Variants in STX10 observed in about 807,000 individuals in gnomAD.
STX10 encodes syntaxin 10.
A neutral mutation model predicts 34.1 loss-of-function variants in STX10; 35 were observed. That is an observed-to-expected ratio of 1.03 (90% CI 0.78 to 1.36). The LOEUF is 1.36. STX10 is among the 40% of genes most tolerant of loss of function. STX10 has a pLI of 0.00. For missense variants in STX10, 361 were observed against 335.5 expected, an observed-to-expected ratio of 1.08 and a Z score of -0.59; for synonymous variants, 155 against 132.9, an observed-to-expected ratio of 1.17 and a Z score of -1.15.
rs750811542 is a variant in STX10 at position 13,144,342 on chromosome 19, G to A, written c.*68C>T. ...GAGGGACCCTCTCCTCCTAGGGGGC[G>A]AGGCCAGCTCCAAAGTGCTTGGTGG... is the stretch of plus-strand genomic sequence containing the variant. On this transcript the variant is annotated 3_prime_UTR_variant, in exon 8 of 8. Transcript: ENST00000587230. The A allele has an allele frequency of 3.7e-5, 58 of 1,566,660 alleles. No individual in the cohort carries two copies. The highest frequency in any genetic ancestry group is 4.8e-5 in the Non-Finnish European group (56 of 1,155,806).
chr19:13,147,893 CAAAAAAAAAAAAA>C (rs1159793123), intron 4 of STX10, among the ~76,000 whole-genome samples: 2 of 54,624 alleles, frequency 3.7e-5, no homozygotes, highest in African/African-American at 1.6e-4. Flanking sequence ...CACTCCGTCT[CAAAAAAAAAAAAA>C]AAAAAAAAAA....
chr19:13,147,429 C>T (rs2145638287), intron 4 of STX10, among the ~76,000 whole-genome samples: 1 of 151,824 alleles, frequency 6.6e-6, no homozygotes, highest in Admixed American at 6.6e-5. Flanking sequence ...TGCACCACTG[C>T]ACCCCAGCCT....
intron 3 of STX10, among the ~76,000 whole-genome samples, 156 bp from the exon 4 acceptor site, chr19:13,149,247 A>G (rs902515213): frequency 1.3e-4 from 20 of 151,840 alleles, no homozygotes; most frequent in African/African-American, 4.1e-4. Context: ...CCCCGTCTCT[A>G]CTAAAAACAC....
rs762121528 is a variant in STX10 at position 13,144,331 on chromosome 19, T to C, written c.*79A>G. 1 of 1,546,428 alleles carries C rather than the reference T, an allele frequency of 6.5e-7. No individual in the cohort carries two copies. The highest frequency in any genetic ancestry group is 8.8e-7 in the Non-Finnish European group (1 of 1,142,558). ...CAGCTACCCAGGAGGGACCCTCTCC[T>C]CCTAGGGGGCGAGGCCAGCTCCAAA... On this transcript the variant is annotated 3_prime_UTR_variant, in exon 8 of 8. Transcript: ENST00000587230.
Position 13,144,408 on chromosome 19 carries a change from G to T in STX10, c.*2C>A. ...GGACCAGCCTGCCAGGGAGGGCTGG[G>T]GTCAGAGAGAGAATAGTAAGATGAG... On this transcript the variant is annotated 3_prime_UTR_variant, in exon 8 of 8. Transcript: ENST00000587230. 1.2e-6 allele frequency: 2 copies of T among 1,608,232 alleles called. No individual in the cohort carries two copies. Among genetic ancestry groups the T allele is most frequent in the Non-Finnish European group, 1.7e-6 (2 of 1,178,048 alleles).
At position 13,150,090 on chromosome 19, in the gene STX10, T is replaced by G; in HGVS notation, c.35+49A>C. 9.0e-7 allele frequency: 1 copy of G among 1,116,034 alleles called. No homozygotes were observed. Among genetic ancestry groups the G allele is most frequent in the Non-Finnish European group, 1.3e-6 (1 of 746,290 alleles). The allele number at this position is 1,116,034 out of a possible 1,614,324, so 69.1% of individuals were successfully genotyped here. ...CTGGGGCCGGCACCCGGGCACTGGC[T>G]GGCTTGGGTACAGAGCACCCTCCGC... On this transcript the variant is annotated intron_variant, in intron 1 of 7. Transcript: ENST00000587230. This position sits in a 1 kb window ranked among gnomAD's most constrained non-coding sequence, Gnocchi z 4.0.
rs2019878451 is a variant in STX10, at chr19:13,145,494, G to A, written c.364-99C>T. 3 of 950,374 alleles carry A rather than the reference G, an allele frequency of 3.2e-6. No homozygotes were observed. The South Asian group carries it at 4.5e-5, about 14-fold the overall frequency. The allele number at this position is 950,374 out of a possible 1,614,324, so 58.9% of individuals were successfully genotyped here. On this transcript the variant is annotated intron_variant, in intron 4 of 7. Coordinates refer to ENST00000587230, the MANE Select transcript of STX10 (RefSeq NM_003765.3). ...GTGGTAAGTCAGGGGGGCAGACTCT[G>A]GGGCAGGACAGCCTGCATTCCCCAC...
chr19:13,144,239 T>TGAAGGGTCCC lies in STX10; in HGVS notation c.*161_*170dup, dbSNP rs2019841689. 4 of 898,884 alleles carry TGAAGGGTCCC rather than the reference T, an allele frequency of 4.4e-6. No individual in the cohort carries two copies. The African/African-American group carries it at 6.7e-5, about 15-fold the overall frequency. 55.7% of individuals were successfully genotyped at this position (898,884 alleles called of 1,614,324 possible). A position where few individuals can be genotyped will look rare whatever the true frequency, so the allele number is the denominator to read the frequency against. The stretch of plus-strand genomic sequence containing the variant: ...TGGTGGTGGTTCCAGCCCAGGGTCC[T>TGAAGGGTCCC]GAAGGGTCCCACTGGCTCTAGGGGA... On this transcript the variant is annotated 3_prime_UTR_variant, in exon 8 of 8. Transcript: ENST00000587230.
rs561918381 is a variant in STX10, at chr19:13,144,188, C to G, written c.*222G>C. 1.7e-5 allele frequency: 10 copies of G among 604,446 alleles called. No individual in the cohort carries two copies. Among genetic ancestry groups the G allele is most frequent in the African/African-American group, 3.7e-5 (2 of 54,278 alleles). 37.4% of individuals were successfully genotyped at this position (604,446 alleles called of 1,614,324 possible). On this transcript the variant is annotated 3_prime_UTR_variant, in exon 8 of 8. Transcript: ENST00000587230. ...TCAGGTGTCCCTGCCTCCACCACCC[C>G]CTAAGTGCACTTGAGACAGGACCAG...
chr19:13,145,690 G>T (rs1282972725), intron 4 of STX10, among the ~76,000 whole-genome samples: 2 of 150,948 alleles, frequency 1.3e-5, no homozygotes, highest in Non-Finnish European at 2.9e-5. Context: ...AGGAGCTCGA[G>T]ACCAGCCTGG....
chr19:13,148,503 CAA>C (rs35867694), intron 4 of STX10, among the ~76,000 whole-genome samples: 65 of 75,284 alleles, frequency 8.6e-4, no homozygotes, highest in African/African-American at 1.8e-3. Context: ...AACTCCATCT[CAA>C]AAAAAAAAAA....
intron 4 of STX10, among the ~76,000 whole-genome samples, chr19:13,146,524 C>T (rs957695036): frequency 2.6e-5 from 4 of 151,386 alleles, no homozygotes; most frequent in African/African-American, 7.3e-5. Context: ...CGTGAGCTAC[C>T]ATGCCTGGCC....
At chr19:13,147,409 G>A (rs1490674094) in intron 4 of STX10, among the ~76,000 whole-genome samples, 1 of 151,676 alleles carries the variant, frequency 6.6e-6, no homozygotes, top group Non-Finnish European at 1.5e-5. Flanking sequence ...AGGTTTCAGT[G>A]AGTCAAGATT....
In STX10 at chr19:13,150,165, G is replaced by A; in HGVS notation, c.9C>T (p.Leu3=). ...CTCGGACTACAAAAAAGGGGTCTTC[G>A]AGAGACATGTCAGTCCCTTCCCCCC... The part of the protein sequence containing the change: MS[L]EDPFFVVRGE... The change falls in exon 1 of 8, where the codon CTC becomes CTT. Residue 3 remains leucine, a synonymous_variant. Transcript: ENST00000587230. This position sits in a 1 kb window ranked among gnomAD's most constrained non-coding sequence, Gnocchi z 4.0. The A allele has an allele frequency of 4.4e-6, 5 of 1,145,510 alleles. No individual in the cohort carries two copies. Among genetic ancestry groups the A allele is most frequent in the Non-Finnish European group, 6.5e-6 (5 of 766,112 alleles). 71.0% of individuals were successfully genotyped at this position (1,145,510 alleles called of 1,614,324 possible). A position where few individuals can be genotyped will look rare whatever the true frequency, so the allele number is the denominator to read the frequency against.
chr19:13,146,207 A>AT (rs1400487346), intron 4 of STX10, among the ~76,000 whole-genome samples: 1 of 151,556 alleles, frequency 6.6e-6, no homozygotes, highest in Non-Finnish European at 1.5e-5. Flanking sequence ...AAAAAAAAAA[A>AT]AATAAAATAA....
chr19:13,146,260 G>A (rs1600016901), intron 4 of STX10, among the ~76,000 whole-genome samples: 1 of 152,044 alleles, frequency 6.6e-6, no homozygotes, highest in East Asian at 1.9e-4. Flanking sequence ...TTGAAATGAG[G>A]ATTTAAAGAA....
rs781704517 is a variant in STX10, at chr19:13,145,361, G to A, written c.398C>T (p.Pro133Leu). Residue 133 changes from proline to leucine, a missense_variant, in exon 5 of 8, where the codon CCC becomes CTC. Physicochemically the swap from Pro to Leu is moderately conservative, Grantham distance 98. Transcript: ENST00000587230. ...TGCGCTGGCATCCAGCAGGTCGCTG[G>A]GTGACTTCTGGGCAGCTGGCTTGCC... ...LAGKPAAQKS[P>L]SDLLDASAVS... 1 of 1,611,760 alleles carries A rather than the reference G, an allele frequency of 6.2e-7. No individual in the cohort carries two copies. Among genetic ancestry groups the A allele is most frequent in the South Asian group, 1.1e-5 (1 of 91,090 alleles).
chr19:13,147,291 C>A (rs1433427029), intron 4 of STX10, among the ~76,000 whole-genome samples: 1 of 151,516 alleles, frequency 6.6e-6, no homozygotes, highest in Non-Finnish European at 1.5e-5. Context: ...ATGGGGAAAC[C>A]CTGTCTCTAC....
Position 13,149,046 on chromosome 19 carries a change from C to A in STX10, c.346G>T (p.Glu116Ter). Residue 116 changes from glutamate to a stop codon, truncating the protein, a stop_gained, in exon 4 of 8, where the codon GAG (glutamate) becomes TAG (stop). Transcript: ENST00000587230. LOFTEE classifies it high-confidence loss of function. ...AGGCTTACCTCTCTGTTATTCCTCTCCAAAAATGCTACGGCTGTTGGGCTG... is the reference window on the plus strand; with the variant it reads ...AGGCTTACCTCTCTGTTATTCCTCTACAAAAATGCTACGGCTGTTGGGCTG... ...MVSPTAVAFL[E>*]RNNREILAGK... 2 of 1,603,392 alleles carry A rather than the reference C, an allele frequency of 1.2e-6. No homozygotes were observed. The highest frequency in any genetic ancestry group is 1.7e-4 in the Middle Eastern group (1 of 6,054).
Sources: gnomAD v4.1 joint callset for allele counts (sites outside exome capture counted in the v4.1 genomes callset) on GRCh38, gnomAD v4.1.1 for gene constraint, Gnocchi (gnomAD v3.1) non-coding constraint, MANE v1.5 for transcripts, NCBI Gene and HGNC (gene_info 2026-07-23, HGNC 2026-07-21) for gene names.